Variants in SGCZ observed in about 807,000 individuals in gnomAD.
The protein encoded by SGCZ is zeta-sarcoglycan.
A neutral mutation model predicts 41.3 loss-of-function variants in SGCZ; 40 were observed. The ratio of observed to expected loss-of-function variants is 0.97; its 90% CI spans 0.75 to 1.26. The LOEUF is 1.26. Ranked by LOEUF, SGCZ falls within the 50% of genes most tolerant of loss-of-function variation. SGCZ has a pLI of 0.00. For synonymous variants in SGCZ, 206 were observed against 137.5 expected (o/e 1.50, Z -3.49); for missense variants, 552 against 369.8 (o/e 1.49, Z -4.04).
intron 1 of SGCZ, among the ~76,000 whole-genome samples, chr8:15,228,485 C>A (rs886308573): frequency 6.6e-6 from 1 of 152,158 alleles, no homozygotes; most frequent in South Asian, 2.1e-4. Context: ...CTAGAACAAG[C>A]ACCTGATGAA....
At chr8:15,112,837 C>G (rs961960400) in intron 1 of SGCZ, among the ~76,000 whole-genome samples, 15 of 152,202 alleles carry the variant, frequency 9.9e-5, no homozygotes, top group Admixed American at 7.9e-4. Flanking sequence ...TGAGCTGTCT[C>G]TGGCAAGTTC....
intron 1 of SGCZ, among the ~76,000 whole-genome samples, chr8:14,573,974 A>C (rs959940955): frequency 3.3e-5 from 5 of 152,230 alleles, no homozygotes; most frequent in Non-Finnish European, 7.4e-5. Context: ...ACATGCATAC[A>C]CTACAGGGAG....
At chr8:15,100,832 TA>T (rs1183090617) in intron 1 of SGCZ, among the ~76,000 whole-genome samples, 1 of 151,916 alleles carries the variant, frequency 6.6e-6, no homozygotes, top group South Asian at 2.1e-4. Flanking sequence ...TAATTAAAAA[TA>T]AAAAAATTAG....
chr8:15,059,646 TAA>T (rs142166159), intron 1 of SGCZ, among the ~76,000 whole-genome samples: 5,886 of 152,340 alleles, frequency 0.039, 147 homozygotes, highest in Non-Finnish European at 0.056. Flanking sequence ...ACTGTCTTCC[TAA>T]ATTAATGATA....
chr8:14,225,542 T>C (rs1806342898), intron 4 of SGCZ, among the ~76,000 whole-genome samples: 1 of 152,054 alleles, frequency 6.6e-6, no homozygotes, highest in African/African-American at 2.4e-5. Context: ...TAGCCAAAAA[T>C]AATAATACTA....
intron 1 of SGCZ, among the ~76,000 whole-genome samples, chr8:14,783,205 G>C (rs1258210278): frequency 6.6e-6 from 1 of 152,142 alleles, no homozygotes; most frequent in Non-Finnish European, 1.5e-5. Flanking sequence ...AGGCCGAGGT[G>C]GGCGGATCAC....
intron 2 of SGCZ, among the ~76,000 whole-genome samples, chr8:14,326,081 C>T (rs1802098695): frequency 9.5e-6 from 1 of 105,760 alleles, no homozygotes; most frequent in Non-Finnish European, 1.7e-5. Context: ...CACTGAACTC[C>T]AGCCTGGGCG....
At chr8:14,126,375 G>A (rs553295292) in intron 5 of SGCZ, among the ~76,000 whole-genome samples, 4 of 152,056 alleles carry the variant, frequency 2.6e-5, no homozygotes, top group South Asian at 2.1e-4. Flanking sequence ...AACATATAAC[G>A]AAAAAACTCA....
intron 3 of SGCZ, among the ~76,000 whole-genome samples, chr8:14,284,216 C>G (rs1563233466): frequency 6.6e-6 from 1 of 152,142 alleles, no homozygotes; most frequent in African/African-American, 2.4e-5. Context: ...TATAGTGGAA[C>G]CCCACCTCTA....
chr8:14,682,577 G>C (rs1814141), intron 1 of SGCZ, among the ~76,000 whole-genome samples: 65,424 of 151,604 alleles, frequency 0.43, 15,758 homozygotes, highest in Non-Finnish European at 0.56. Flanking sequence ...TGGGACTACA[G>C]GCGCCCACCA....
chr8:14,780,193 T>C (rs944295951), intron 1 of SGCZ, among the ~76,000 whole-genome samples: 2 of 151,754 alleles, frequency 1.3e-5, no homozygotes, highest in Non-Finnish European at 2.9e-5. Context: ...GATAACACGG[T>C]GAAACCCCGT....
At chr8:14,121,599 G>T (rs774925171) in intron 5 of SGCZ, among the ~76,000 whole-genome samples, 30 of 151,916 alleles carry the variant, frequency 2.0e-4, no homozygotes, top group Non-Finnish European at 3.8e-4. Context: ...ATAGAAATCA[G>T]GCCTAACATC....
In SGCZ at chr8:14,293,703, T is replaced by G. The variant is rs78491164; in HGVS notation, c.336+30400A>C. On this transcript the variant is annotated intron_variant, in intron 3 of 7. Transcript: ENST00000382080. ...AAATTCATGGTCCCATGAAATTATG[T>G]TAAATTACAGGGGAATTATTGATCT... Among the ~76,000 whole-genome samples, 920 of 152,014 alleles carry G rather than the reference T, an allele frequency of 6.1e-3. 7 individuals carry two copies. Among genetic ancestry groups the G allele is most frequent in the African/African-American group, 0.02 (840 of 41,540 alleles).
At chr8:14,346,643 A>C (rs1438017759) in intron 2 of SGCZ, among the ~76,000 whole-genome samples, 3 of 152,110 alleles carry the variant, frequency 2.0e-5, no homozygotes, top group Admixed American at 6.6e-5. Flanking sequence ...TCACATGGAA[A>C]GTTTTACAAT....
intron 1 of SGCZ, among the ~76,000 whole-genome samples, chr8:14,788,895 G>A (rs545785681): frequency 1.2e-4 from 19 of 152,172 alleles, no homozygotes; most frequent in Middle Eastern, 3.4e-3. Flanking sequence ...AAGATTGCTC[G>A]GGGCCAGGAG....
intron 2 of SGCZ, among the ~76,000 whole-genome samples, chr8:14,390,741 T>A: frequency 6.6e-6 from 1 of 152,020 alleles, no homozygotes; most frequent in Non-Finnish European, 1.5e-5. Flanking sequence ...ATATTCTAAG[T>A]ATGCATAATT....
At chr8:14,274,945 A>G (rs17118923) in intron 3 of SGCZ, among the ~76,000 whole-genome samples, 5,051 of 152,160 alleles carry the variant, frequency 0.033, 274 homozygotes, top group African/African-American at 0.11. Context: ...CTCACTTCCT[A>G]TCTTAGGTTT....
intron 3 of SGCZ, among the ~76,000 whole-genome samples, chr8:14,308,564 C>G (rs1051228287): frequency 6.6e-6 from 1 of 151,894 alleles, no homozygotes; most frequent in African/African-American, 2.4e-5. Flanking sequence ...GGCCTTTATA[C>G]TGCTTGTGTT....
intron 1 of SGCZ, among the ~76,000 whole-genome samples, chr8:14,932,374 T>C (rs1346088165): frequency 6.6e-6 from 1 of 152,038 alleles, no homozygotes; most frequent in East Asian, 1.9e-4. Context: ...CATTCTAATA[T>C]GACTGGATAA....
Sources: gnomAD v4.1 joint callset for allele counts (sites outside exome capture counted in the v4.1 genomes callset) on GRCh38, gnomAD v4.1.1 for gene constraint, MANE v1.5 for transcripts, NCBI Gene and HGNC (gene_info 2026-07-23, HGNC 2026-07-21) for gene names.